Variants in GTF2F2 observed in about 807,000 individuals in gnomAD.
GTF2F2 encodes general transcription factor IIF subunit 2.
In GTF2F2, 23 loss-of-function variants were observed where a neutral mutation model predicts 42.2. The observed-to-expected ratio is 0.55, with a 90% CI of 0.39 to 0.77. The LOEUF is 0.77. Ranked by LOEUF, GTF2F2 falls within the 30% of genes least tolerant of loss-of-function variation. The pLI, the probability that GTF2F2 is intolerant of heterozygous loss-of-function variation, is 0.00. For missense variants in GTF2F2, 261 were observed against 287.2 expected, an observed-to-expected ratio of 0.91 and a Z score of 0.66; for synonymous variants, 105 against 100.8, an observed-to-expected ratio of 1.04 and a Z score of -0.25.
intron 2 of GTF2F2, among the ~76,000 whole-genome samples, chr13:45,144,872 C>T (rs1243836450): frequency 6.6e-6 from 1 of 152,086 alleles, no homozygotes; most frequent in Non-Finnish European, 1.5e-5. Flanking sequence ...GACGGGAGTT[C>T]AATTTGTTAC....
At chr13:45,217,297 C>CAAAAA (rs397851526) in intron 5 of GTF2F2, among the ~76,000 whole-genome samples, 2 of 85,518 alleles carry the variant, frequency 2.3e-5, no homozygotes, top group East Asian at 4.9e-4. Flanking sequence ...GACTCCATCT[C>CAAAAA]AAAAAAAAAA....
At chr13:45,224,362 G>A (rs894402422) in intron 5 of GTF2F2, among the ~76,000 whole-genome samples, 40 of 152,126 alleles carry the variant, frequency 2.6e-4, no homozygotes, top group Admixed American at 2.6e-3. Flanking sequence ...AGAATGAATA[G>A]TGTGTGTAAA....
At chr13:45,127,177 C>G (rs1328031279) in intron 1 of GTF2F2, among the ~76,000 whole-genome samples, 2 of 151,998 alleles carry the variant, frequency 1.3e-5, no homozygotes, top group East Asian at 3.8e-4. Flanking sequence ...TTTTTTATTG[C>G]AAGGGTGTAG....
chr13:45,182,549 C>T (rs1872217382), intron 4 of GTF2F2, among the ~76,000 whole-genome samples: 1 of 152,142 alleles, frequency 6.6e-6, no homozygotes, highest in South Asian at 2.1e-4. Context: ...CTTCCTCCAT[C>T]TCCAGAGCAG....
chr13:45,181,169 A>C, intron 4 of GTF2F2, among the ~76,000 whole-genome samples: 1 of 140,532 alleles, frequency 7.1e-6, no homozygotes, highest in Non-Finnish European at 1.5e-5. Context: ...CCTGTCTCAA[A>C]AGACAAAAAA....
chr13:45,247,763 G>A (rs7993728), intron 5 of GTF2F2, among the ~76,000 whole-genome samples: 52,357 of 151,998 alleles, frequency 0.34, 11,960 homozygotes, highest in African/African-American at 0.65. Flanking sequence ...CTACTTTCAA[G>A]CTTCACCAAC....
chr13:45,189,389 A>G (rs891689892), intron 4 of GTF2F2, among the ~76,000 whole-genome samples: 1 of 152,260 alleles, frequency 6.6e-6, no homozygotes, highest in Non-Finnish European at 1.5e-5. Flanking sequence ...TTATAGCAGC[A>G]TGATTTATAA....
chr13:45,155,159 GC>G (rs747520599), intron 4 of GTF2F2, among the ~76,000 whole-genome samples: 21 of 152,168 alleles, frequency 1.4e-4, no homozygotes, highest in Non-Finnish European at 2.8e-4. Flanking sequence ...GGAATCTGTG[GC>G]CCAGAAAAGC....
At chr13:45,148,544 A>G (rs1453730795) in intron 2 of GTF2F2, among the ~76,000 whole-genome samples, 1 of 152,122 alleles carries the variant, frequency 6.6e-6, no homozygotes, top group Non-Finnish European at 1.5e-5. Flanking sequence ...CTGAGCTCAG[A>G]GTTCCGTCTT....
chr13:45,267,175 T>C (rs1876598377), intron 6 of GTF2F2, 58 bp from the exon 7 acceptor site: 2 of 1,270,738 alleles, frequency 1.6e-6, no homozygotes, highest in African/African-American at 1.5e-5. Context: ...AGAATGCCTG[T>C]GTTTTAGAGT....
chr13:45,194,671 G>T, intron 4 of GTF2F2: 1 of 1,051,964 alleles, frequency 9.5e-7, no homozygotes, highest in Non-Finnish European at 1.4e-6. Context: ...CCTGGTGATG[G>T]AATGGAAACG....
rs766836820 is a variant in GTF2F2 at position 45,267,299 on chromosome 13, G to T, written c.553G>T (p.Asp185Tyr). 7.5e-6 allele frequency: 12 copies of T among 1,610,732 alleles called. No homozygotes were observed. Among genetic ancestry groups the T allele is most frequent in the Non-Finnish European group, 1.0e-5 (12 of 1,177,208 alleles). The change falls in exon 7 of 8, where the codon GAC becomes TAC. Residue 185 changes from aspartate (D) to tyrosine (Y), a missense_variant. Asp to Tyr is a radical substitution (Grantham distance 160). Coordinates refer to ENST00000340473, the MANE Select transcript of GTF2F2 (RefSeq NM_004128.3). The part of the protein sequence containing the change: ...RARADKQHVL[D>Y]MLFSAFEKHQ... ...TCGAGCTGATAAACAACATGTTTTA[G>T]ACATGCTATTTTCAGCCTTTGAGAA...
At chr13:45,247,101 G>A (rs1374953386) in intron 5 of GTF2F2, among the ~76,000 whole-genome samples, 3 of 150,488 alleles carry the variant, frequency 2.0e-5, no homozygotes, top group African/African-American at 7.3e-5. Flanking sequence ...TGTAATCCCA[G>A]CTCTTTGGGA....
chr13:45,222,597 AT>A (rs148140168), intron 5 of GTF2F2, among the ~76,000 whole-genome samples: 26,224 of 151,940 alleles, frequency 0.17, 2,596 homozygotes, highest in Non-Finnish European at 0.22. Flanking sequence ...GGATGAGCAC[AT>A]TTTTTTTCCC....
At chr13:45,128,450 A>G (rs1053092412) in intron 1 of GTF2F2, among the ~76,000 whole-genome samples, 2 of 150,642 alleles carry the variant, frequency 1.3e-5, no homozygotes, top group Non-Finnish European at 3.0e-5. Flanking sequence ...GCGGGCGTCT[A>G]TAATCCCAAC....
At chr13:45,149,237 C>A (rs1870355323) in intron 2 of GTF2F2, among the ~76,000 whole-genome samples, 3 of 151,028 alleles carry the variant, frequency 2.0e-5, no homozygotes, top group Non-Finnish European at 4.4e-5. Context: ...GAGTTCAAGA[C>A]CAGCCTGGAC....
intron 4 of GTF2F2, among the ~76,000 whole-genome samples, chr13:45,169,187 C>G (rs1460110534): frequency 6.6e-6 from 1 of 151,970 alleles, no homozygotes; most frequent in Non-Finnish European, 1.5e-5. Context: ...AGTCCTAAAC[C>G]CAGGTACCTC....
chr13:45,264,533 G>A (rs1161765057), intron 6 of GTF2F2, among the ~76,000 whole-genome samples: 1 of 152,052 alleles, frequency 6.6e-6, no homozygotes, highest in Non-Finnish European at 1.5e-5. Flanking sequence ...TCCTCCCAAA[G>A]TTGCTGGGAT....
intron 4 of GTF2F2, among the ~76,000 whole-genome samples, chr13:45,177,926 T>C (rs1425462754): frequency 2.6e-5 from 4 of 152,206 alleles, no homozygotes; most frequent in Non-Finnish European, 5.9e-5. Context: ...TGCTGATGCT[T>C]TAAGGGTAAT....
Sources: gnomAD v4.1 joint callset for allele counts (sites outside exome capture counted in the v4.1 genomes callset) on GRCh38, gnomAD v4.1.1 for gene constraint, MANE v1.5 for transcripts, NCBI Gene and HGNC (gene_info 2026-07-23, HGNC 2026-07-21) for gene names.